Variants in SLC4A10 observed in about 807,000 individuals in gnomAD.
The protein encoded by SLC4A10 is sodium-driven chloride bicarbonate exchanger.
Under a neutral mutation model 137.7 loss-of-function variants are expected in SLC4A10, and 42 were observed. That is an observed-to-expected ratio of 0.30 (90% CI 0.24 to 0.39). The LOEUF (loss-of-function observed/expected upper bound fraction) is 0.39. Among genes scored for constraint, SLC4A10 ranks in the 10% least tolerant of loss-of-function variants. The probability of loss-of-function intolerance (pLI) is 1.00; values close to 1 mark genes in which losing one functional copy is unlikely to be tolerated. For missense variants in SLC4A10, 925 were observed against 1,355.0 expected (o/e 0.68, Z 4.98); for synonymous variants, 474 against 464.1 (o/e 1.02, Z -0.27).
Position 161,945,176 on chromosome 2 carries a change from T to G in SLC4A10, c.2103+2279T>G, listed in dbSNP as rs1393874043. 2.5e-3 allele frequency among the ~76,000 whole-genome samples: 266 copies of G among 105,518 alleles called. 4 individuals carry two copies. Among genetic ancestry groups the G allele is most frequent in the African/African-American group, 0.011 (261 of 23,780 alleles). 69.2% of individuals were successfully genotyped at this position (105,518 alleles called of 152,430 possible). ...TTATGGCAAACTGGAGTACTTAAGTTTGTGTGTATATATATATATATATAT... is the reference window on the plus strand; with the variant it reads ...TTATGGCAAACTGGAGTACTTAAGTGTGTGTGTATATATATATATATATAT... On this transcript the variant is annotated intron_variant, in intron 16 of 26. Transcript: ENST00000446997.
intron 11 of SLC4A10, among the ~76,000 whole-genome samples, chr2:161,896,397 G>A (rs1182054632): frequency 6.6e-6 from 1 of 151,978 alleles, no homozygotes; most frequent in East Asian, 1.9e-4. Context: ...GGTGATGCAG[G>A]CTCTTTTTTA....
chr2:161,834,085 C>T (rs1361314299), intron 3 of SLC4A10, among the ~76,000 whole-genome samples: 7 of 152,336 alleles, frequency 4.6e-5, no homozygotes, highest in South Asian at 2.1e-4. Flanking sequence ...TTACAGAAAC[C>T]TCAGGCCAGC....
intron 1 of SLC4A10, among the ~76,000 whole-genome samples, chr2:161,724,761 G>C (rs1245016053): frequency 4.6e-5 from 7 of 152,060 alleles, no homozygotes; most frequent in Non-Finnish European, 1.0e-4. Flanking sequence ...TTGTCTTGCT[G>C]ACCTTTTCTT....
At chr2:161,818,720 C>T (rs2057343056) in intron 3 of SLC4A10, among the ~76,000 whole-genome samples, 1 of 152,162 alleles carries the variant, frequency 6.6e-6, no homozygotes, top group Admixed American at 6.5e-5. Flanking sequence ...GCCTTTTCTG[C>T]ATCTGTTGAA....
chr2:161,910,721 T>A (rs1685621339), intron 15 of SLC4A10, among the ~76,000 whole-genome samples: 1 of 151,976 alleles, frequency 6.6e-6, no homozygotes, highest in Non-Finnish European at 1.5e-5. Flanking sequence ...TTATGAGAAA[T>A]TTTTTTATTT....
intron 1 of SLC4A10, among the ~76,000 whole-genome samples, chr2:161,740,299 C>T (rs2047751696): frequency 6.6e-6 from 1 of 152,112 alleles, no homozygotes; most frequent in East Asian, 1.9e-4. Flanking sequence ...AGAGTCAGTC[C>T]TAGTACACAA....
intron 1 of SLC4A10, among the ~76,000 whole-genome samples, chr2:161,755,522 T>C (rs1255050480): frequency 1.3e-5 from 2 of 152,172 alleles, no homozygotes; most frequent in East Asian, 1.9e-4. Flanking sequence ...ATTTTTCTAA[T>C]AGTTCTATCT....
At chr2:161,743,421 T>C (rs2048107958) in intron 1 of SLC4A10, among the ~76,000 whole-genome samples, 1 of 152,150 alleles carries the variant, frequency 6.6e-6, no homozygotes, top group South Asian at 2.1e-4. Context: ...CAAAAATGAG[T>C]TCACTGTAGA....
chr2:161,853,722 G>T (rs1244948926), intron 4 of SLC4A10, among the ~76,000 whole-genome samples: 1 of 152,166 alleles, frequency 6.6e-6, no homozygotes, highest in Non-Finnish European at 1.5e-5. Flanking sequence ...TGGCTTAAAT[G>T]TAAGTTTTTT....
chr2:161,860,453 A>T (rs2060374061), intron 5 of SLC4A10, among the ~76,000 whole-genome samples: 1 of 152,154 alleles, frequency 6.6e-6, no homozygotes, highest in Non-Finnish European at 1.5e-5. Context: ...CATGGCTTAT[A>T]TTTGGAACTG....
intron 4 of SLC4A10, among the ~76,000 whole-genome samples, chr2:161,849,672 T>C (rs1046040052): frequency 1.3e-5 from 2 of 152,170 alleles, no homozygotes; most frequent in East Asian, 3.8e-4. Flanking sequence ...GTGGTTTTTG[T>C]TTTTAGTTCT....
chr2:161,710,296 A>G (rs2044137094), intron 1 of SLC4A10, among the ~76,000 whole-genome samples: 1 of 151,776 alleles, frequency 6.6e-6, no homozygotes, highest in Non-Finnish European at 1.5e-5. Context: ...ATTAGTCATT[A>G]TGAGTACATT....
chr2:161,699,903 T>C (rs1489988206), intron 1 of SLC4A10, among the ~76,000 whole-genome samples: 2 of 152,214 alleles, frequency 1.3e-5, no homozygotes, highest in Non-Finnish European at 2.9e-5. Flanking sequence ...TTTATAATTT[T>C]AGTTAATCTA....
intron 23 of SLC4A10, among the ~76,000 whole-genome samples, chr2:161,966,860 A>C (rs973347235): frequency 6.6e-6 from 1 of 152,300 alleles, no homozygotes; most frequent in South Asian, 2.1e-4. Context: ...ATAATTTGGC[A>C]CAAGTTAAAT....
intron 4 of SLC4A10, among the ~76,000 whole-genome samples, chr2:161,851,965 CTCCAG>C: frequency 6.6e-6 from 1 of 152,276 alleles, no homozygotes; most frequent in Non-Finnish European, 1.5e-5. Flanking sequence ...TCATGGCTCA[CTCCAG>C]CCTCGATCTC....
At chr2:161,751,189 T>C (rs971788775) in intron 1 of SLC4A10, among the ~76,000 whole-genome samples, 11 of 151,940 alleles carry the variant, frequency 7.2e-5, no homozygotes, top group African/African-American at 2.6e-4. Context: ...GTTTGTTCGT[T>C]TTCATTCAAC....
chr2:161,751,994 A>G (rs1305122236), intron 1 of SLC4A10, among the ~76,000 whole-genome samples: 1 of 151,974 alleles, frequency 6.6e-6, no homozygotes, highest in Non-Finnish European at 1.5e-5. Context: ...GGCCTTAGCT[A>G]GTCATACATA....
chr2:161,953,554 G>A (rs1319821212), intron 19 of SLC4A10, among the ~76,000 whole-genome samples: 1 of 151,920 alleles, frequency 6.6e-6, no homozygotes, highest in Non-Finnish European at 1.5e-5. Flanking sequence ...GTTGCAGTGA[G>A]ATGAGATCAT....
intron 23 of SLC4A10, among the ~76,000 whole-genome samples, chr2:161,965,584 G>C (rs1420883554): frequency 6.6e-6 from 1 of 152,032 alleles, no homozygotes; most frequent in Non-Finnish European, 1.5e-5. Context: ...TTTTCCTAGG[G>C]AACAGAGTTT....
Sources: allele counts gnomAD v4.1 joint callset (sites outside exome capture counted in the v4.1 genomes callset), GRCh38; gene constraint gnomAD v4.1.1; transcripts MANE v1.5; gene names NCBI Gene and HGNC (gene_info 2026-07-23, HGNC 2026-07-21).